CHD9: variants seen among roughly 807,000 people sequenced by gnomAD.
CHD9 encodes ATP-dependent chromatin remodeler CHD9.
A neutral mutation model predicts 316.1 loss-of-function variants in CHD9; 77 were observed. The ratio of observed to expected loss-of-function variants is 0.24; its 90% CI spans 0.20 to 0.29. The LOEUF (loss-of-function observed/expected upper bound fraction) is 0.29, where lower values mean the gene tolerates loss of function less well. CHD9 is among the 10% of genes least tolerant of loss of function. CHD9 has a pLI of 1.00. For synonymous variants in CHD9, 1,129 were observed against 1,158.3 expected (o/e 0.97, Z 0.51); for missense variants, 2,763 against 3,438.1 (o/e 0.80, Z 4.91).
intron 1 of CHD9, among the ~76,000 whole-genome samples, chr16:53,063,231 C>A (rs1326643110): frequency 6.6e-6 from 1 of 151,932 alleles, no homozygotes; most frequent in African/African-American, 2.4e-5. Flanking sequence ...AGCAAACAGG[C>A]ATAGAGAAGT....
chr16:53,236,006 A>C (rs1056893735), intron 11 of CHD9, among the ~76,000 whole-genome samples: 1 of 152,068 alleles, frequency 6.6e-6, no homozygotes, highest in African/African-American at 2.4e-5. Flanking sequence ...TTTTCACGTG[A>C]GTCTTCTGAA....
At chr16:53,273,290 TA>T (rs2052470346) in intron 22 of CHD9, among the ~76,000 whole-genome samples, 1 of 152,138 alleles carries the variant, frequency 6.6e-6, no homozygotes, top group Non-Finnish European at 1.5e-5. Flanking sequence ...GGTCAAAACA[TA>T]TCTTTTAGTA....
chr16:53,182,809 T>A (rs2043640708), intron 2 of CHD9, among the ~76,000 whole-genome samples: 1 of 152,196 alleles, frequency 6.6e-6, no homozygotes, highest in Non-Finnish European at 1.5e-5. Context: ...TTCTTAATTC[T>A]TTTAAGAAAG....
chr16:53,247,846 GA>G, intron 16 of CHD9: 1 of 171,544 alleles, frequency 5.8e-6, no homozygotes, highest in Non-Finnish European at 1.2e-5. Flanking sequence ...CTTCAAAATT[GA>G]AAAAAGTGAT....
intron 1 of CHD9, among the ~76,000 whole-genome samples, chr16:53,061,082 A>G (rs2032844011): frequency 6.6e-6 from 1 of 151,972 alleles, no homozygotes; most frequent in Admixed American, 6.6e-5. Context: ...GCCCACTGCC[A>G]TGCCTGGCTA....
At chr16:53,292,295 G>T (rs1431758611) in intron 28 of CHD9, among the ~76,000 whole-genome samples, 1 of 152,288 alleles carries the variant, frequency 6.6e-6, no homozygotes, top group Admixed American at 6.5e-5. Flanking sequence ...AATGACTACA[G>T]CTTGATTATG....
intron 2 of CHD9, among the ~76,000 whole-genome samples, chr16:53,198,110 C>T (rs374388962): frequency 2.0e-5 from 3 of 151,982 alleles, no homozygotes; most frequent in African/African-American, 4.8e-5. Flanking sequence ...TCTTTAGAGC[C>T]TTCCAAAAGC....
chr16:53,242,082 CT>C (rs1378720026), intron 12 of CHD9, among the ~76,000 whole-genome samples: 1 of 152,102 alleles, frequency 6.6e-6, no homozygotes, highest in Admixed American at 6.6e-5. Flanking sequence ...AGAATGCTTT[CT>C]TTTATAGATC....
intron 2 of CHD9, among the ~76,000 whole-genome samples, chr16:53,198,612 C>T (rs1174834665): frequency 1.3e-5 from 2 of 152,194 alleles, no homozygotes; most frequent in African/African-American, 2.4e-5. Context: ...AGGCGTGAGC[C>T]ACCACACCCG....
At chr16:53,128,119 C>T (rs1249697500) in intron 1 of CHD9, among the ~76,000 whole-genome samples, 3 of 152,100 alleles carry the variant, frequency 2.0e-5, no homozygotes, top group Non-Finnish European at 4.4e-5. Flanking sequence ...TTCTGGATAC[C>T]CAAATCCCTG....
At chr16:53,273,241 CCTAAT>C (rs2052463754) in intron 22 of CHD9, among the ~76,000 whole-genome samples, 1 of 152,070 alleles carries the variant, frequency 6.6e-6, no homozygotes, top group African/African-American at 2.4e-5. Context: ...GGATGGCTAA[CCTAAT>C]CTATCTAAAT....
At chr16:53,302,728 G>A (rs929183779) in intron 30 of CHD9, among the ~76,000 whole-genome samples, 2 of 151,976 alleles carry the variant, frequency 1.3e-5, no homozygotes, top group African/African-American at 4.8e-5. Flanking sequence ...GGATTCATGG[G>A]TATTTATTCT....
intron 1 of CHD9, among the ~76,000 whole-genome samples, chr16:53,129,001 G>C (rs1220538639): frequency 6.6e-6 from 1 of 152,140 alleles, no homozygotes; most frequent in Non-Finnish European, 1.5e-5. Flanking sequence ...AGCAAAAACA[G>C]AAGTTCAAAA....
intron 2 of CHD9, among the ~76,000 whole-genome samples, chr16:53,171,567 G>A (rs2152781612): frequency 6.6e-6 from 1 of 152,146 alleles, no homozygotes; most frequent in Non-Finnish European, 1.5e-5. Flanking sequence ...AAGCCCAAAA[G>A]GACCAGACGC....
At chr16:53,138,130 A>G (rs767763980) in intron 1 of CHD9, among the ~76,000 whole-genome samples, 11 of 152,216 alleles carry the variant, frequency 7.2e-5, no homozygotes, top group Non-Finnish European at 1.2e-4. Flanking sequence ...GGGGATATAC[A>G]TCGTTAAGTA....
chr16:53,290,126 T>C (rs2054207298), intron 27 of CHD9, among the ~76,000 whole-genome samples: 1 of 151,990 alleles, frequency 6.6e-6, no homozygotes, highest in Non-Finnish European at 1.5e-5. Context: ...ATACAAAAAT[T>C]AGCCAGGCAT....
rs1292664110 is a variant in CHD9, at chr16:53,321,329, AT to A, written c.7714-195del. On this transcript the variant is annotated intron_variant, in intron 37 of 38. Coordinates refer to ENST00000447540, the MANE Select transcript of CHD9 (RefSeq NM_001308319.2). The stretch of plus-strand genomic sequence containing the variant: ...TCTACTTAAAACATTTAAAATTTAC[AT>A]TATCACATATTTATATATTACATCA... 3 of 1,367,240 alleles carry A rather than the reference AT, an allele frequency of 2.2e-6. No homozygotes were observed. In the Admixed American group the frequency reaches 9.1e-5, roughly 41 times the overall value. The allele number at this position is 1,367,240 out of a possible 1,614,324, so 84.7% of individuals were successfully genotyped here.
intron 19 of CHD9, among the ~76,000 whole-genome samples, chr16:53,260,022 T>C (rs890032501): frequency 6.6e-6 from 1 of 152,142 alleles, no homozygotes; most frequent in Non-Finnish European, 1.5e-5. Context: ...TTGTGAAAAA[T>C]TTGTTCTGAA....
chr16:53,088,678 G>A (rs958256246), intron 1 of CHD9, among the ~76,000 whole-genome samples: 1 of 152,108 alleles, frequency 6.6e-6, no homozygotes, highest in African/African-American at 2.4e-5. Context: ...TGTTGGGCAT[G>A]GTTACCCAAA....
Sources: allele counts gnomAD v4.1 joint callset (sites outside exome capture counted in the v4.1 genomes callset), GRCh38; gene constraint gnomAD v4.1.1; transcripts MANE v1.5; gene names NCBI Gene and HGNC (gene_info 2026-07-23, HGNC 2026-07-21).